CHL1: variants seen among roughly 807,000 people sequenced by gnomAD.
CHL1 encodes cell adhesion molecule L1 like.
In CHL1, 96 loss-of-function variants were observed where a neutral mutation model predicts 141.9. The observed-to-expected ratio is 0.68, with a 90% CI of 0.57 to 0.80. The LOEUF (loss-of-function observed/expected upper bound fraction) is 0.80. CHL1 is among the 30% of genes least tolerant of loss of function. CHL1 has a pLI of 0.00. For missense variants in CHL1, 1,820 were observed against 1,457.2 expected, an observed-to-expected ratio of 1.25 and a Z score of -4.05; for synonymous variants, 613 against 502.2, an observed-to-expected ratio of 1.22 and a Z score of -2.95.
chr3:244,363 G>A (rs1692957750), intron 1 of CHL1, among the ~76,000 whole-genome samples: 1 of 152,170 alleles, frequency 6.6e-6, no homozygotes, highest in African/African-American at 2.4e-5. Flanking sequence ...TCAATGAGAA[G>A]TGTAATTACG....
intron 15 of CHL1, chr3:374,008 C>G (rs1324436205): frequency 6.6e-6 from 1 of 152,164 alleles, no homozygotes; most frequent in Non-Finnish European, 1.5e-5. Flanking sequence ...TCCATGGGAG[C>G]CTCCGAACAC....
At chr3:376,633 C>T (rs1051595835) in intron 15 of CHL1, among the ~76,000 whole-genome samples, 4 of 152,130 alleles carry the variant, frequency 2.6e-5, no homozygotes, top group Non-Finnish European at 4.4e-5. Context: ...TATGGGCCCT[C>T]GTGCAGGGCA....
chr3:314,696 C>T (rs1428684336), intron 2 of CHL1, among the ~76,000 whole-genome samples: 1 of 151,878 alleles, frequency 6.6e-6, no homozygotes, highest in Non-Finnish European at 1.5e-5. Flanking sequence ...TCTTATCTTC[C>T]AACAGGGTAG....
chr3:317,028 G>T (rs897091924), intron 2 of CHL1, among the ~76,000 whole-genome samples: 3 of 152,086 alleles, frequency 2.0e-5, no homozygotes, highest in African/African-American at 7.2e-5. Context: ...AGCTATTTTG[G>T]AGCTTTCATC....
chr3:294,513 G>A (rs1698004144), intron 2 of CHL1, among the ~76,000 whole-genome samples: 1 of 152,108 alleles, frequency 6.6e-6, no homozygotes, highest in Non-Finnish European at 1.5e-5. Flanking sequence ...CCACAAACAG[G>A]TTATACCAAG....
intron 2 of CHL1, among the ~76,000 whole-genome samples, chr3:253,298 G>A (rs1033789711): frequency 5.3e-5 from 8 of 152,114 alleles, no homozygotes; most frequent in South Asian, 2.1e-4. Context: ...TATAGAGGAT[G>A]GGACAGTTAA....
chr3:260,262 T>A (rs1281086146), intron 2 of CHL1, among the ~76,000 whole-genome samples: 1 of 139,452 alleles, frequency 7.2e-6, no homozygotes, highest in African/African-American at 3.4e-5. Context: ...AAACTCTGTC[T>A]CAAATAAATA....
intron 15 of CHL1, among the ~76,000 whole-genome samples, chr3:367,835 C>T (rs1316069757): frequency 1.3e-5 from 2 of 152,032 alleles, no homozygotes; most frequent in Non-Finnish European, 2.9e-5. Context: ...ATTCACCTCT[C>T]TGTGTCCATA....
At chr3:296,011 A>G (rs1698154248) in intron 2 of CHL1, among the ~76,000 whole-genome samples, 1 of 152,124 alleles carries the variant, frequency 6.6e-6, no homozygotes, top group East Asian at 1.9e-4. Flanking sequence ...CAAAAAAAAA[A>G]TACTCCTGTA....
chr3:262,630 A>G (rs1694827844), intron 2 of CHL1, among the ~76,000 whole-genome samples: 1 of 152,222 alleles, frequency 6.6e-6, no homozygotes. Flanking sequence ...CAGGAGAGGT[A>G]TAAGACAACA....
chr3:391,196 G>A (rs374904986), intron 22 of CHL1, 37 bp downstream of exon 22: 60 of 1,492,154 alleles, frequency 4.0e-5, no homozygotes, highest in Non-Finnish European at 5.1e-5. Context: ...GTCAAAAATG[G>A]AGGTGATCCA....
At chr3:387,392 G>A (rs1312528551) in intron 19 of CHL1, among the ~76,000 whole-genome samples, 1 of 152,192 alleles carries the variant, frequency 6.6e-6, no homozygotes, top group Non-Finnish European at 1.5e-5. Context: ...CTTTCTTGAA[G>A]AGATTATTTG....
intron 15 of CHL1, among the ~76,000 whole-genome samples, chr3:368,995 C>T (rs778057994): frequency 3.9e-5 from 6 of 152,000 alleles, no homozygotes; most frequent in African/African-American, 1.2e-4. Context: ...TGGTTACTGT[C>T]GCCTTGTAGT....
chr3:387,433 T>C (rs539395632), intron 19 of CHL1, among the ~76,000 whole-genome samples: 1 of 152,218 alleles, frequency 6.6e-6, no homozygotes, highest in Non-Finnish European at 1.5e-5. Flanking sequence ...AGGCATTGCC[T>C]TCAAGTCAAA....
At chr3:381,991 C>A (rs1055342569) in intron 16 of CHL1, among the ~76,000 whole-genome samples, 188 bp from the exon 17 acceptor site, 2 of 145,356 alleles carry the variant, frequency 1.4e-5, no homozygotes, top group African/African-American at 5.2e-5. Context: ...TTAGGGCTAG[C>A]TAGGTGCCTG....
intron 9 of CHL1, among the ~76,000 whole-genome samples, chr3:346,093 C>G (rs1390830548): frequency 6.6e-6 from 1 of 152,018 alleles, no homozygotes; most frequent in East Asian, 1.9e-4. Context: ...ATTTGAAATT[C>G]AAAAAATCAT....
intron 2 of CHL1, among the ~76,000 whole-genome samples, chr3:261,783 A>C (rs920788465): frequency 3.3e-5 from 5 of 152,152 alleles, no homozygotes; most frequent in Non-Finnish European, 7.4e-5. Context: ...ATAAAAAGAT[A>C]ATAATTGGGA....
At chr3:340,963 A>G in intron 6 of CHL1, 47 bp downstream of exon 6, 1 of 1,540,836 alleles carries the variant, frequency 6.5e-7, no homozygotes, top group Non-Finnish European at 8.9e-7. Context: ...TTTTAATTCT[A>G]TCCATCATAT....
At chr3:322,660 A>ATAAT (rs1553564828) in intron 3 of CHL1, among the ~76,000 whole-genome samples, 2 of 141,222 alleles carry the variant, frequency 1.4e-5, no homozygotes, top group African/African-American at 5.3e-5. Context: ...ATATATATAT[A>ATAAT]TATATATATA....
Sources: allele counts gnomAD v4.1 joint callset (sites outside exome capture counted in the v4.1 genomes callset), GRCh38; gene constraint gnomAD v4.1.1; transcripts MANE v1.5; gene names NCBI Gene and HGNC (gene_info 2026-07-23, HGNC 2026-07-21).